Variants in AGAP1 observed in about 807,000 individuals in gnomAD.
AGAP1 encodes ArfGAP with GTPase domain, ankyrin repeat and PH domain 1, also known as arf-GAP with GTPase, ANK repeat and PH domain-containing protein 1.
Under a neutral mutation model 105.3 loss-of-function variants are expected in AGAP1, and 29 were observed. The observed-to-expected ratio is 0.28, with a 90% CI of 0.21 to 0.38. The LOEUF (loss-of-function observed/expected upper bound fraction) is 0.38, where lower values mean the gene tolerates loss of function less well. Among genes scored for constraint, AGAP1 ranks in the 10% least tolerant of loss-of-function variants. AGAP1 has a pLI of 1.00. For synonymous variants in AGAP1, 509 were observed against 485.9 expected (o/e 1.05, Z -0.63); for missense variants, 998 against 1,165.1 (o/e 0.86, Z 2.09).
At chr2:236,110,488 G>A (rs979018595) in intron 16 of AGAP1, among the ~76,000 whole-genome samples, 9 of 152,086 alleles carry the variant, frequency 5.9e-5, no homozygotes, top group Non-Finnish European at 8.8e-5. Flanking sequence ...ACTTGAGCCC[G>A]GGAGTTCCAG....
chr2:235,988,039 G>A lies in AGAP1; in HGVS notation c.1645+19416G>A, dbSNP rs182036487. Among the ~76,000 whole-genome samples, 5 of 151,372 alleles carry A rather than the reference G, an allele frequency of 3.3e-5. No individual in the cohort carries two copies. The highest frequency in any genetic ancestry group is 9.8e-5 in the African/African-American group (4 of 40,746). The stretch of plus-strand genomic sequence containing the variant: ...TCCTTTTGTTATTTTGTGTTTGTTC[G>A]TTTGTTCTGTTTTGTTTTTTGAAAC... On this transcript the variant is annotated intron_variant, in intron 13 of 17. Transcript: ENST00000304032. The surrounding 1 kb of genome is among the most constrained non-coding windows in gnomAD (Gnocchi z 4.7).
chr2:235,765,652 C>T (rs1028766298), intron 6 of AGAP1, among the ~76,000 whole-genome samples: 6 of 152,176 alleles, frequency 3.9e-5, no homozygotes, highest in African/African-American at 1.2e-4. Context: ...TACGTGTCTA[C>T]GTCTGCAGGA....
chr2:235,963,504 A>G lies in AGAP1; in HGVS notation c.1484-4958A>G, dbSNP rs377072437. ...GGCCCTTTATCGTTTTCAGTTGTCA[A>G]AAATACGTGTGAGTTGGGTACCATA... On this transcript the variant is annotated intron_variant, in intron 12 of 17. Transcript: ENST00000304032. The surrounding 1 kb of genome is among the most constrained non-coding windows in gnomAD (Gnocchi z 5.1). Among the ~76,000 whole-genome samples the G allele has an allele frequency of 5.2e-4, 79 of 152,344 alleles. No individual in the cohort carries two copies. Among genetic ancestry groups the G allele is most frequent in the African/African-American group, 1.9e-3 (78 of 41,588 alleles).
chr2:235,841,679 AC>A (rs765527359), intron 9 of AGAP1, among the ~76,000 whole-genome samples: 33 of 152,310 alleles, frequency 2.2e-4, no homozygotes, highest in South Asian at 2.1e-4. Context: ...ATAAATAATT[AC>A]CTGTATTTGT....
At chr2:235,546,568 C>T (rs1005162691) in intron 1 of AGAP1, among the ~76,000 whole-genome samples, 3 of 152,086 alleles carry the variant, frequency 2.0e-5, no homozygotes, top group African/African-American at 7.2e-5. Context: ...TGGTGGTTTC[C>T]ATCCAGGGTT....
intron 9 of AGAP1, chr2:235,852,825 C>T: frequency 6.7e-7 from 1 of 1,502,478 alleles, no homozygotes; most frequent in Non-Finnish European, 8.9e-7. Context: ...CCACAATCAG[C>T]CCAGCTGTCC....
chr2:235,847,416 A>T (rs1440187831), intron 9 of AGAP1, among the ~76,000 whole-genome samples: 1 of 152,250 alleles, frequency 6.6e-6, no homozygotes. Flanking sequence ...GTTGTTACAC[A>T]GTGTACATAC....
At chr2:235,677,552 C>T (rs976644217) in intron 1 of AGAP1, among the ~76,000 whole-genome samples, 17 of 152,054 alleles carry the variant, frequency 1.1e-4, no homozygotes, top group South Asian at 2.1e-4. Context: ...TTTCACGTGA[C>T]GTTGTGTGCC....
Position 235,883,464 on chromosome 2 carries a change from C to G in AGAP1, c.1155+15C>G. On this transcript the variant is annotated intron_variant, in intron 10 of 17. Transcript: ENST00000304032. This position sits in a 1 kb window ranked among gnomAD's most constrained non-coding sequence, Gnocchi z 4.5. ...CCAGTTTACATGTGAGTATAGCCCC[C>G]TCGGAGCAATTAACAGCTGCAGACC... 1 of 1,603,544 alleles carries G rather than the reference C, an allele frequency of 6.2e-7. No individual in the cohort carries two copies. Among genetic ancestry groups the G allele is most frequent in the Non-Finnish European group, 8.5e-7 (1 of 1,171,490 alleles).
rs773037530 is a variant in AGAP1, at chr2:235,566,350, T to C, written c.163+71501T>C. On this transcript the variant is annotated intron_variant, in intron 1 of 17. Coordinates refer to ENST00000304032, the MANE Select transcript of AGAP1 (RefSeq NM_001037131.3). The surrounding 1 kb of genome is among the most constrained non-coding windows in gnomAD (Gnocchi z 5.2). ...TCCTAAAGTGTTGGGATTACAGATA[T>C]AAGCCATCACGCCCGGCCTTGTATT... is the stretch of plus-strand genomic sequence containing the variant. 4.6e-5 allele frequency among the ~76,000 whole-genome samples: 7 copies of C among 152,194 alleles called. No homozygotes were observed. Among genetic ancestry groups the C allele is most frequent in the African/African-American group, 9.6e-5 (4 of 41,458 alleles).
rs982457216 is a variant in AGAP1, at chr2:235,981,899, G to A, written c.1645+13276G>A. On this transcript the variant is annotated intron_variant, in intron 13 of 17. Transcript: ENST00000304032. The surrounding 1 kb of genome is among the most constrained non-coding windows in gnomAD (Gnocchi z 5.5). ...GGAAGGGGGCGCTTGTCTTTTCAGCGGTCTTGCCTCCGAATCTTGGCTTGT... is the reference window on the plus strand; with the variant it reads ...GGAAGGGGGCGCTTGTCTTTTCAGCAGTCTTGCCTCCGAATCTTGGCTTGT... Among the ~76,000 whole-genome samples the A allele has an allele frequency of 6.6e-6, 1 of 152,148 alleles. No individual in the cohort carries two copies. Among genetic ancestry groups the A allele is most frequent in the African/African-American group, 2.4e-5 (1 of 41,426 alleles).
chr2:236,082,600 G>C lies in AGAP1; in HGVS notation c.2114+33319G>C, dbSNP rs1430045950. 6.6e-6 allele frequency among the ~76,000 whole-genome samples: 1 copy of C among 152,248 alleles called. No individual in the cohort carries two copies. The highest frequency in any genetic ancestry group is 1.5e-5 in the Non-Finnish European group (1 of 68,050). On this transcript the variant is annotated intron_variant, in intron 16 of 17. Transcript: ENST00000304032. The surrounding 1 kb of genome is among the most constrained non-coding windows in gnomAD (Gnocchi z 4.2). ...CTAGTTAAAGAAAAGAGGGCCAGGTGCAACGGCTCACGCCTGTAATCCCAA... is the reference window on the plus strand; with the variant it reads ...CTAGTTAAAGAAAAGAGGGCCAGGTCCAACGGCTCACGCCTGTAATCCCAA...
At position 235,739,491 on chromosome 2, in the gene AGAP1, G is replaced by A. The variant is rs1472132388; in HGVS notation, c.311-1472G>A. Among the ~76,000 whole-genome samples, 1 of 152,236 alleles carries A rather than the reference G, an allele frequency of 6.6e-6. No homozygotes were observed. Reference sequence around the variant, plus strand: ...GGGCCTCAGCCTGACCATTTCCAGTGGGCCCTACCGTCTTGTTTCAGTGAC... The same window carrying A: ...GGGCCTCAGCCTGACCATTTCCAGTAGGCCCTACCGTCTTGTTTCAGTGAC... On this transcript the variant is annotated intron_variant, in intron 3 of 17. Coordinates refer to ENST00000304032, the MANE Select transcript of AGAP1 (RefSeq NM_001037131.3). The surrounding 1 kb of genome is among the most constrained non-coding windows in gnomAD (Gnocchi z 5.3).
At chr2:235,923,566 G>A (rs751534068) in intron 11 of AGAP1, among the ~76,000 whole-genome samples, 13 of 116,546 alleles carry the variant, frequency 1.1e-4, no homozygotes, top group African/African-American at 3.0e-4. Flanking sequence ...TTCTCACTCC[G>A]TAGATGGGTT....
In AGAP1 at chr2:235,611,874, A is replaced by G. The variant is rs1454104014; in HGVS notation, c.164-97305A>G. ...CCTCCCTGTTCCAGTTGTGGAACATATGGTCACCGTTCTGTGACTGGGAGC... is the reference window on the plus strand; with the variant it reads ...CCTCCCTGTTCCAGTTGTGGAACATGTGGTCACCGTTCTGTGACTGGGAGC... On this transcript the variant is annotated intron_variant, in intron 1 of 17. Coordinates refer to ENST00000304032, the MANE Select transcript of AGAP1 (RefSeq NM_001037131.3). The surrounding 1 kb of genome is among the most constrained non-coding windows in gnomAD (Gnocchi z 5.0). Among the ~76,000 whole-genome samples, 1 of 152,192 alleles carries G rather than the reference A, an allele frequency of 6.6e-6. No homozygotes were observed. Among genetic ancestry groups the G allele is most frequent in the South Asian group, 2.1e-4 (1 of 4,830 alleles).
intron 1 of AGAP1, among the ~76,000 whole-genome samples, chr2:235,546,660 T>C (rs1257610788): frequency 6.6e-6 from 1 of 151,938 alleles, no homozygotes; most frequent in African/African-American, 2.4e-5. Context: ...TGTGGGGGCA[T>C]CATTGGGAGT....
rs537981545 is a variant in AGAP1 at position 235,839,699 on chromosome 2, C to G, written c.1050+32368C>G. On this transcript the variant is annotated intron_variant, in intron 9 of 17. Coordinates refer to ENST00000304032, the MANE Select transcript of AGAP1 (RefSeq NM_001037131.3). ...TTTCCCAGCGAGTTCGTTTCCACCC[C>G]CTTAAGAACAACCACTTTAGAAGAA... is the stretch of plus-strand genomic sequence containing the variant. Among the ~76,000 whole-genome samples, 46 of 152,288 alleles carry G rather than the reference C, an allele frequency of 3.0e-4. 1 individual carries two copies. The highest frequency in any genetic ancestry group is 4.1e-4 in the South Asian group (2 of 4,826).
rs1945735702 is a variant in AGAP1, at chr2:235,601,661, A to G, written c.163+106812A>G. The stretch of plus-strand genomic sequence containing the variant: ...CTGGGTCCCTGGGAGCCACAATTCA[A>G]GATGAGATTTGGGTGGGGACACAGC... On this transcript the variant is annotated intron_variant, in intron 1 of 17. Coordinates refer to ENST00000304032, the MANE Select transcript of AGAP1 (RefSeq NM_001037131.3). The surrounding 1 kb of genome is among the most constrained non-coding windows in gnomAD (Gnocchi z 4.4). Among the ~76,000 whole-genome samples the G allele has an allele frequency of 6.6e-6, 1 of 152,200 alleles. No individual in the cohort carries two copies. Among genetic ancestry groups the G allele is most frequent in the Admixed American group, 6.5e-5 (1 of 15,280 alleles).
At chr2:236,103,508 TTTC>T (rs1251809352) in intron 16 of AGAP1, among the ~76,000 whole-genome samples, 1 of 152,004 alleles carries the variant, frequency 6.6e-6, no homozygotes, top group Non-Finnish European at 1.5e-5. Flanking sequence ...TTTCTTTTCT[TTTC>T]TTTTCTTTTT....
Sources: gnomAD v4.1 joint callset for allele counts (sites outside exome capture counted in the v4.1 genomes callset) on GRCh38, gnomAD v4.1.1 for gene constraint, Gnocchi (gnomAD v3.1) non-coding constraint, MANE v1.5 for transcripts, NCBI Gene and HGNC (gene_info 2026-07-23, HGNC 2026-07-21) for gene names.